FAM227B: variants seen among roughly 807,000 people sequenced by gnomAD.
The protein encoded by FAM227B is family with sequence similarity 227 member B, also known as protein FAM227B.
FAM227B carries 88 observed loss-of-function variants against 73.8 expected under a neutral mutation model. The observed-to-expected ratio is 1.19, with a 90% confidence interval of 1.00 to 1.42. The LOEUF is 1.42. FAM227B is among the 40% of genes most tolerant of loss of function. FAM227B has a pLI of 0.00. For missense variants in FAM227B, 632 were observed against 590.9 expected, an observed-to-expected ratio of 1.07 and a Z score of -0.72; for synonymous variants, 210 against 190.5, an observed-to-expected ratio of 1.10 and a Z score of -0.84.
chr15:49,444,708 G>A (rs913977977), intron 11 of FAM227B, among the ~76,000 whole-genome samples: 2 of 151,346 alleles, frequency 1.3e-5, no homozygotes, highest in East Asian at 1.9e-4. Flanking sequence ...CATATGTTCC[G>A]GGGTCTGTCT....
intron 10 of FAM227B, among the ~76,000 whole-genome samples, chr15:49,513,631 T>C (rs2059171703): frequency 1.3e-5 from 2 of 152,230 alleles, no homozygotes; most frequent in African/African-American, 4.8e-5. Flanking sequence ...TCAGCTTTTG[T>C]TGCAATTGCT....
rs1490338947 is a variant in FAM227B at position 49,393,790 on chromosome 15, A to G, written c.1013-22391T>C. Among the ~76,000 whole-genome samples, 8 of 152,310 alleles carry G rather than the reference A, an allele frequency of 5.3e-5. 1 individual carries two copies. Among genetic ancestry groups the G allele is most frequent in the African/African-American group, 1.9e-4 (8 of 41,578 alleles). On this transcript the variant is annotated intron_variant, in intron 11 of 15. Transcript: ENST00000299338. ...TCACACCAAAAGAAGGAACACCATC[A>G]GAAACTTCATTTGCAAGAAACAAAC...
At chr15:49,573,505 G>A (rs1187746983) in intron 8 of FAM227B, among the ~76,000 whole-genome samples, 2 of 152,162 alleles carry the variant, frequency 1.3e-5, no homozygotes, top group East Asian at 3.8e-4. Context: ...AGGTGTTTGG[G>A]TCTTGGGGAC....
At chr15:49,354,438 C>T (rs111239880) in intron 13 of FAM227B, among the ~76,000 whole-genome samples, 25,430 of 152,044 alleles carry the variant, frequency 0.17, 2,359 homozygotes, top group Non-Finnish European at 0.21. Flanking sequence ...ACTTGGGAAG[C>T]GCAAGGGGTC....
At chr15:49,614,722 T>A (rs1247764109) in intron 2 of FAM227B, 1 of 174,930 alleles carries the variant, frequency 5.7e-6, no homozygotes, top group Non-Finnish European at 1.2e-5. Context: ...TCTTGACAAT[T>A]AGCCTCTAGA....
intron 9 of FAM227B, among the ~76,000 whole-genome samples, chr15:49,551,358 CTTCT>C (rs959145634): frequency 2.6e-5 from 4 of 152,006 alleles, no homozygotes; most frequent in Non-Finnish European, 5.9e-5. Flanking sequence ...ATGTAATAAC[CTTCT>C]TTGTTTCTTC....
At chr15:49,337,478 C>CT (rs2039926632) in intron 13 of FAM227B, among the ~76,000 whole-genome samples, 6 of 44,156 alleles carry the variant, frequency 1.4e-4, no homozygotes, top group African/African-American at 5.0e-4. Flanking sequence ...TTGTTGGACA[C>CT]TTGCAATGTC....
At chr15:49,502,027 T>G (rs995073917) in intron 11 of FAM227B, among the ~76,000 whole-genome samples, 1 of 152,228 alleles carries the variant, frequency 6.6e-6, no homozygotes, top group Non-Finnish European at 1.5e-5. Flanking sequence ...GTGCACAGAA[T>G]GCAAGAGTGA....
chr15:49,596,496 CA>C (rs2076891416), intron 3 of FAM227B, among the ~76,000 whole-genome samples: 13 of 151,274 alleles, frequency 8.6e-5, no homozygotes, highest in Admixed American at 7.9e-4. Context: ...CAAAACAAAA[CA>C]AAACAAAACA....
intron 5 of FAM227B, among the ~76,000 whole-genome samples, chr15:49,586,679 TAAGAAAA>T (rs1438610643): frequency 6.6e-6 from 1 of 150,690 alleles, no homozygotes; most frequent in Non-Finnish European, 1.5e-5. Context: ...CGGAACTTAA[TAAGAAAA>T]AAGCACATAA....
At chr15:49,424,600 A>T in intron 11 of FAM227B, 1 of 1,542,574 alleles carries the variant, frequency 6.5e-7, no homozygotes, top group Non-Finnish European at 8.8e-7. Context: ...AATTTTAAGT[A>T]CTGCTCATGA....
intron 11 of FAM227B, among the ~76,000 whole-genome samples, chr15:49,389,308 T>C (rs548880204): frequency 4.6e-5 from 7 of 152,072 alleles, no homozygotes; most frequent in African/African-American, 1.7e-4. Flanking sequence ...TACTCAGCCA[T>C]TCAAAGGAAA....
chr15:49,605,031 G>C (rs769400049), intron 3 of FAM227B, among the ~76,000 whole-genome samples: 1 of 152,070 alleles, frequency 6.6e-6, no homozygotes, highest in Non-Finnish European at 1.5e-5. Context: ...GCAGTTTGTA[G>C]ATCTCTATTT....
intron 6 of FAM227B, chr15:49,577,221 T>C (rs2075508939): frequency 3.3e-6 from 1 of 301,622 alleles, no homozygotes; most frequent in Non-Finnish European, 6.5e-6. Flanking sequence ...CACTTGAATC[T>C]GGGAGGCAGA....
At chr15:49,490,072 A>AAAACAAC in intron 11 of FAM227B, among the ~76,000 whole-genome samples, 1 of 150,748 alleles carries the variant, frequency 6.6e-6, no homozygotes, top group Admixed American at 6.7e-5. Context: ...TAGGTAAATG[A>AAAACAAC]AAACAACAAC....
intron 11 of FAM227B, among the ~76,000 whole-genome samples, chr15:49,441,063 TTACAACTTTAAAATGAATGAGTAAA>T (rs2051592015): frequency 6.6e-6 from 1 of 151,878 alleles, no homozygotes; most frequent in African/African-American, 2.4e-5. Context: ...TATGAATAGC[TTACAACTTTAAAATGAATGAGTAAA>T]TAAGATAATT....
intron 10 of FAM227B, among the ~76,000 whole-genome samples, chr15:49,530,135 C>T (rs1356551010): frequency 6.6e-6 from 1 of 151,524 alleles, no homozygotes. Flanking sequence ...TGCTTTTTTG[C>T]AATTATTATG....
intron 9 of FAM227B, among the ~76,000 whole-genome samples, 174 bp downstream of exon 9, chr15:49,568,071 A>G (rs898056081): frequency 2.6e-5 from 4 of 152,074 alleles, no homozygotes; most frequent in African/African-American, 9.7e-5. Context: ...AGGGAATACA[A>G]TATTTTGAGG....
Position 49,615,122 on chromosome 15 carries a change from C to T in FAM227B, c.50G>A (p.Gly17Glu). The change falls in exon 2 of 16, where the codon GGG (glycine) becomes GAG (glutamate). Residue 17 changes from glycine (G) to glutamate (E), a missense_variant and splice_region_variant. Physicochemically the swap from Gly to Glu is moderately conservative, Grantham distance 98. Coordinates refer to ENST00000299338, the MANE Select transcript of FAM227B (RefSeq NM_152647.3). Reference protein sequence around the residue: ...CQRRSSRAGPGKMQEPPKSIE... With the variant: ...CQRRSSRAGPEKMQEPPKSIE... ...ATAAAGCTGTGGAAGCTTCCTTACC[C>T]CGGGGCCAGCTCTGCTGCTCCTCCT... The T allele has an allele frequency of 6.2e-7, 1 of 1,613,890 alleles. No individual in the cohort carries two copies. The highest frequency in any genetic ancestry group is 1.1e-5 in the South Asian group (1 of 91,080).
Sources: gnomAD v4.1 joint callset for allele counts (sites outside exome capture counted in the v4.1 genomes callset) on GRCh38, gnomAD v4.1.1 for gene constraint, MANE v1.5 for transcripts, NCBI Gene and HGNC (gene_info 2026-07-23, HGNC 2026-07-21) for gene names.